Variants in ADAMTS17 observed in about 807,000 individuals in gnomAD.
ADAMTS17 encodes the protein A disintegrin and metalloproteinase with thrombospondin motifs 17.
Under a neutral mutation model 141.5 loss-of-function variants are expected in ADAMTS17, and 113 were observed. That is an observed-to-expected ratio of 0.80 (90% CI 0.69 to 0.93). The LOEUF is 0.93. Ranked by LOEUF, ADAMTS17 falls within the 40% of genes least tolerant of loss-of-function variation. ADAMTS17 has a pLI of 0.00. For synonymous variants in ADAMTS17, 768 were observed against 630.6 expected (o/e 1.22, Z -3.27); for missense variants, 1,659 against 1,517.9 (o/e 1.09, Z -1.54).
chr15:100,118,136 G>A (rs1298650665), intron 12 of ADAMTS17, among the ~76,000 whole-genome samples: 1 of 152,202 alleles, frequency 6.6e-6, no homozygotes, highest in African/African-American at 2.4e-5. Flanking sequence ...TTCTGTGAAG[G>A]GCCAGATAGT....
chr15:100,128,814 C>G (rs1183862316), intron 12 of ADAMTS17: 2 of 152,166 alleles, frequency 1.3e-5, no homozygotes, highest in East Asian at 3.9e-4. Context: ...AGCAAAATGC[C>G]CCTGTGGTAT....
Position 99,997,163 on chromosome 15 carries a change from C to G in ADAMTS17, c.2796+222G>C, listed in dbSNP as rs1156645429. Among the ~76,000 whole-genome samples the G allele has an allele frequency of 2.0e-5, 3 of 152,248 alleles. No individual in the cohort carries two copies. Among genetic ancestry groups the G allele is most frequent in the Non-Finnish European group, 4.4e-5 (3 of 68,052 alleles). ...TCATAGGAAATGGGATCAAACAGTCCTTCACTGTGGTGTTGACATGTACAT... is the reference window on the plus strand; with the variant it reads ...TCATAGGAAATGGGATCAAACAGTCGTTCACTGTGGTGTTGACATGTACAT... On this transcript the variant is annotated intron_variant, in intron 19 of 21. Transcript: ENST00000268070. This position sits in a 1 kb window ranked among gnomAD's most constrained non-coding sequence, Gnocchi z 4.7.
At chr15:100,266,337 C>T (rs971503456) in intron 4 of ADAMTS17, among the ~76,000 whole-genome samples, 5 of 152,236 alleles carry the variant, frequency 3.3e-5, no homozygotes, top group Admixed American at 2.6e-4. Context: ...AAACCCACAA[C>T]TGCAGGGCCA....
intron 6 of ADAMTS17, among the ~76,000 whole-genome samples, chr15:100,261,126 T>C (rs1457423391): frequency 1.3e-5 from 2 of 152,210 alleles, no homozygotes; most frequent in Non-Finnish European, 2.9e-5. Flanking sequence ...AAAGGGTCAC[T>C]GCAGGTAGAA....
intron 3 of ADAMTS17, among the ~76,000 whole-genome samples, chr15:100,295,926 C>T (rs1252276252): frequency 1.3e-5 from 2 of 152,156 alleles, no homozygotes; most frequent in Non-Finnish European, 2.9e-5. Flanking sequence ...ATATGTACTT[C>T]CACACTACAG....
At chr15:100,315,733 C>G (rs760111374) in intron 3 of ADAMTS17, among the ~76,000 whole-genome samples, 5 of 128,774 alleles carry the variant, frequency 3.9e-5, no homozygotes, top group Non-Finnish European at 8.6e-5. Flanking sequence ...ACTTTAAAGA[C>G]ACACACACTC....
At position 100,155,175 on chromosome 15, in the gene ADAMTS17, C is replaced by A. The variant is rs772131551; in HGVS notation, c.1322+5G>T. 1.2e-6 allele frequency: 2 copies of A among 1,614,080 alleles called. No individual in the cohort carries two copies. Among genetic ancestry groups the A allele is most frequent in the Non-Finnish European group, 1.7e-6 (2 of 1,180,044 alleles). ...TTCATCCTATAGAATAATTCCAGGA[C>A]TTACTTGAGGAAGTTTTCAAGGTCA... On this transcript the variant is annotated splice_donor_5th_base_variant and intron_variant, in intron 9 of 21. Transcript: ENST00000268070.
At chr15:100,057,125 C>A (rs189877557) in intron 15 of ADAMTS17, among the ~76,000 whole-genome samples, 1 of 151,732 alleles carries the variant, frequency 6.6e-6, no homozygotes, top group East Asian at 1.9e-4. Context: ...CAGTTCTGGG[C>A]GGGGTGATGG....
chr15:100,153,800 T>C (rs541451284), intron 9 of ADAMTS17, among the ~76,000 whole-genome samples: 1 of 152,322 alleles, frequency 6.6e-6, no homozygotes, highest in South Asian at 2.1e-4. Flanking sequence ...AAGAGTTGCA[T>C]GAACACAAGA....
chr15:100,133,172 T>C (rs1329428482), intron 11 of ADAMTS17, 42 bp downstream of exon 11: 2 of 1,527,818 alleles, frequency 1.3e-6, no homozygotes, highest in Non-Finnish European at 8.9e-7. Flanking sequence ...GCCTGCAAGA[T>C]GTGGAGCTGC....
intron 4 of ADAMTS17, among the ~76,000 whole-genome samples, chr15:100,271,224 G>T (rs1288025891): frequency 1.3e-5 from 2 of 152,096 alleles, no homozygotes; most frequent in African/African-American, 4.8e-5. Context: ...ATAAATATCT[G>T]TTCTTGTCCC....
intron 18 of ADAMTS17, among the ~76,000 whole-genome samples, chr15:100,008,833 G>A (rs1210933018): frequency 6.6e-6 from 1 of 152,112 alleles, no homozygotes; most frequent in Non-Finnish European, 1.5e-5. Flanking sequence ...AGTTTGTGCC[G>A]TTTTTGTTTG....
chr15:100,286,941 G>A (rs1231882375), intron 3 of ADAMTS17, among the ~76,000 whole-genome samples: 1 of 152,206 alleles, frequency 6.6e-6, no homozygotes. Flanking sequence ...AAGATCTGAT[G>A]GACTTTGCAA....
At chr15:100,119,450 C>G (rs1009453327) in intron 12 of ADAMTS17, among the ~76,000 whole-genome samples, 7 of 151,520 alleles carry the variant, frequency 4.6e-5, no homozygotes, top group Non-Finnish European at 3.0e-5. Flanking sequence ...GCTACCTTTC[C>G]TACACACTTG....
At chr15:99,976,000 A>G (rs1187513214) in intron 21 of ADAMTS17, 45 bp downstream of exon 21, 3 of 1,525,604 alleles carry the variant, frequency 2.0e-6, no homozygotes, top group Non-Finnish European at 2.7e-6. Context: ...ACTGGGCAGG[A>G]GACACAGCAG....
chr15:100,184,158 C>T (rs1275846292), intron 8 of ADAMTS17, among the ~76,000 whole-genome samples: 1 of 152,174 alleles, frequency 6.6e-6, no homozygotes, highest in Admixed American at 6.5e-5. Flanking sequence ...CTCACTATGT[C>T]CTGTTTATGA....
At chr15:100,065,473 C>A (rs2141682107) in intron 15 of ADAMTS17, among the ~76,000 whole-genome samples, 1 of 152,286 alleles carries the variant, frequency 6.6e-6, no homozygotes, top group South Asian at 2.1e-4. Context: ...GTAGCTAACT[C>A]TACATCTGCT....
chr15:100,075,155 C>T (rs184122663), intron 15 of ADAMTS17, among the ~76,000 whole-genome samples: 3 of 152,260 alleles, frequency 2.0e-5, no homozygotes, highest in Middle Eastern at 3.4e-3. Flanking sequence ...AATTATGGTG[C>T]ATCCTACTTT....
intron 15 of ADAMTS17, among the ~76,000 whole-genome samples, chr15:100,077,552 T>C (rs533011926): frequency 6.6e-6 from 1 of 151,958 alleles, no homozygotes; most frequent in Non-Finnish European, 1.5e-5. Flanking sequence ...GGAAAAGCAT[T>C]TGACAAATTT....
Sources: allele counts gnomAD v4.1 joint callset (sites outside exome capture counted in the v4.1 genomes callset), GRCh38; gene constraint gnomAD v4.1.1; non-coding constraint Gnocchi (gnomAD v3.1); transcripts MANE v1.5; gene names NCBI Gene and HGNC (gene_info 2026-07-23, HGNC 2026-07-21).